FERMT3: variants seen among roughly 807,000 people sequenced by gnomAD.
FERMT3 encodes FERM domain containing kindlin 3, also known as fermitin family homolog 3.
A neutral mutation model predicts 80.8 loss-of-function variants in FERMT3; 33 were observed. The ratio of observed to expected loss-of-function variants is 0.41; its 90% CI spans 0.31 to 0.55. The LOEUF is 0.55. FERMT3 is among the 20% of genes least tolerant of loss of function. The pLI is 0.31. For synonymous variants in FERMT3, 375 were observed against 372.2 expected (o/e 1.01, Z -0.09); for missense variants, 754 against 908.7 (o/e 0.83, Z 2.19).
At chr11:64,220,184 T>C in intron 10 of FERMT3, 36 bp from the exon 11 acceptor site, 1 of 1,605,612 alleles carries the variant, frequency 6.2e-7, no homozygotes, top group Non-Finnish European at 8.5e-7. Context: ...GCTCTTCCCC[T>C]CCCGACCTCC....
chr11:64,222,551 G>A (rs1396236719), intron 13 of FERMT3, among the ~76,000 whole-genome samples: 2 of 131,352 alleles, frequency 1.5e-5, no homozygotes, highest in Admixed American at 8.4e-5. Flanking sequence ...GCAACAAAGC[G>A]ACACTCCGTC....
chr11:64,218,479 A>G (rs1219065721), intron 6 of FERMT3, among the ~76,000 whole-genome samples: 1 of 150,968 alleles, frequency 6.6e-6, no homozygotes, highest in Non-Finnish European at 1.5e-5. Flanking sequence ...AATTTTTTGT[A>G]TTTTTAGTAG....
chr11:64,223,217 G>C, intron 14 of FERMT3, 28 bp downstream of exon 14: 2 of 1,613,464 alleles, frequency 1.2e-6, no homozygotes, highest in Non-Finnish European at 1.7e-6. Flanking sequence ...GTATATGGAT[G>C]GGGGACAGGT....
chr11:64,218,015 T>C (rs1946588004), intron 6 of FERMT3, among the ~76,000 whole-genome samples: 1 of 147,706 alleles, frequency 6.8e-6, no homozygotes, highest in South Asian at 2.2e-4. Context: ...TTTTTTTTTT[T>C]TTTTTTGTGA....
chr11:64,221,096 C>T lies in FERMT3; in HGVS notation c.1626C>T (p.Ala542=), dbSNP rs759370097. 6.2e-7 allele frequency: 1 copy of T among 1,611,820 alleles called. No homozygotes were observed. Among genetic ancestry groups the T allele is most frequent in the Non-Finnish European group, 8.5e-7 (1 of 1,180,012 alleles). ...AGGCCCAGCTGCGCTTCATCCAGGC[C>T]TGGCAGTCCCTGCCCGACTTCGGCA... ...LAEAQLRFIQ[A]WQSLPDFGIS... is the part of the protein sequence containing the mutation. The change falls in exon 13 of 15, where the codon GCC becomes GCT. Residue 542 remains alanine, a synonymous_variant. Transcript: ENST00000345728.
Position 64,219,643 on chromosome 11 carries a change from G to A in FERMT3, c.1014G>A (p.Ala338=), listed in dbSNP as rs774290819. 98 of 1,613,234 alleles carry A rather than the reference G, an allele frequency of 6.1e-5. No individual in the cohort carries two copies. The highest frequency in any genetic ancestry group is 8.9e-5 in the East Asian group (4 of 44,864). Residue 338 remains alanine, a synonymous_variant, in exon 8 of 15, where the codon GCG becomes GCA. Coordinates refer to ENST00000345728, the MANE Select transcript of FERMT3 (RefSeq NM_031471.6). This position sits in a 1 kb window ranked among gnomAD's most constrained non-coding sequence, Gnocchi z 4.0. ...SNLEVKLEGS[A]PTDVLDSLTT... ...TGGAGGTGAAGCTGGAGGGGTCGGC[G>A]CCCACAGATGTGCTGGTGAGGAGGG...
chr11:64,223,555 C>T lies in FERMT3; in HGVS notation c.*63C>T. Reference sequence around the variant, plus strand: ...TCACAGCCACTCCCAAGCCCACACCCACAGGGGCTCACTGCCCCACACCCG... The same window carrying T: ...TCACAGCCACTCCCAAGCCCACACCTACAGGGGCTCACTGCCCCACACCCG... On this transcript the variant is annotated 3_prime_UTR_variant, in exon 15 of 15. Transcript: ENST00000345728. 6.5e-7 allele frequency: 1 copy of T among 1,530,590 alleles called. No individual in the cohort carries two copies. The highest frequency in any genetic ancestry group is 8.8e-7 in the Non-Finnish European group (1 of 1,134,714). 94.8% of individuals were successfully genotyped at this position (1,530,590 alleles called of 1,614,324 possible).
intron 2 of FERMT3, among the ~76,000 whole-genome samples, chr11:64,208,094 C>A (rs1246790870): frequency 1.3e-5 from 2 of 151,420 alleles, no homozygotes; most frequent in African/African-American, 4.9e-5. Context: ...TAGGCAGAGC[C>A]GGAAGACAGG....
In FERMT3 at chr11:64,207,340, ACTCT is replaced by A; in HGVS notation, c.-14-8_-14-5del. On this transcript the variant is annotated splice_polypyrimidine_tract_variant and splice_region_variant and intron_variant, in intron 1 of 14. Transcript: ENST00000345728. ...GCCTGCCCACCTTGCCTCCTTCCAC[ACTCT>A]CTGTAGCAGCAGCCGCAGCCATGGC... 1 of 1,613,196 alleles carries A rather than the reference ACTCT, an allele frequency of 6.2e-7. No individual in the cohort carries two copies. Among genetic ancestry groups the A allele is most frequent in the Non-Finnish European group, 8.5e-7 (1 of 1,179,742 alleles).
chr11:64,209,098 G>A (rs1178796780), intron 2 of FERMT3, among the ~76,000 whole-genome samples: 2 of 152,118 alleles, frequency 1.3e-5, no homozygotes, highest in South Asian at 2.1e-4. Flanking sequence ...AAGGGAGGAT[G>A]CCTGGGCCTT....
At position 64,211,125 on chromosome 11, in the gene FERMT3, G is replaced by A. The variant is rs1393712616; in HGVS notation, c.468G>A (p.Glu156=). The change falls in exon 4 of 15, where the codon GAG becomes GAA. Residue 156 remains glutamate, a synonymous_variant. Coordinates refer to ENST00000345728, the MANE Select transcript of FERMT3 (RefSeq NM_031471.6). This position sits in a 1 kb window ranked among gnomAD's most constrained non-coding sequence, Gnocchi z 4.7. The part of the protein sequence containing the change: ...EKKEKKKKEK[E]PEEELYDLSK... ...AGGAGAAGAAGAAGAAAGAGAAGGA[G>A]CCAGAGGAAGAGCTCTATGACTTGA... The A allele has an allele frequency of 2.0e-6, 3 of 1,519,234 alleles. No individual in the cohort carries two copies. The highest frequency in any genetic ancestry group is 4.0e-5 in the Admixed American group (2 of 50,368). The allele number at this position is 1,519,234 out of a possible 1,614,324, so 94.1% of individuals were successfully genotyped here. A position where few individuals can be genotyped will look rare whatever the true frequency, so the allele number is the denominator to read the frequency against.
chr11:64,223,042 G>A lies in FERMT3; in HGVS notation c.1671-6G>A. ...CCCTGGCTCACTCTCTCTCCCTGGG[G>A]GCCAGGTTCAAGGGCAGCAGGAAAG... On this transcript the variant is annotated splice_region_variant and splice_polypyrimidine_tract_variant and intron_variant, in intron 13 of 14. Coordinates refer to ENST00000345728, the MANE Select transcript of FERMT3 (RefSeq NM_031471.6). 1 of 1,613,418 alleles carries A rather than the reference G, an allele frequency of 6.2e-7. No individual in the cohort carries two copies.
At chr11:64,214,322 C>T (rs898616821) in intron 6 of FERMT3, among the ~76,000 whole-genome samples, 1 of 152,040 alleles carries the variant, frequency 6.6e-6, no homozygotes, top group Non-Finnish European at 1.5e-5. Flanking sequence ...CACGCGCCAC[C>T]ATGCCCAGCT....
intron 2 of FERMT3, among the ~76,000 whole-genome samples, chr11:64,208,388 C>T (rs1018175368): frequency 6.6e-6 from 1 of 152,178 alleles, no homozygotes; most frequent in African/African-American, 2.4e-5. Flanking sequence ...ATGAGGGTAA[C>T]GCAGGAGGCC....
chr11:64,221,233 G>C, intron 13 of FERMT3, 93 bp downstream of exon 13: 5 of 1,344,706 alleles, frequency 3.7e-6, no homozygotes, highest in Non-Finnish European at 5.2e-6. Context: ...AGTAGGTTCT[G>C]GACAGGCACC....
intron 6 of FERMT3, among the ~76,000 whole-genome samples, chr11:64,216,718 C>T (rs1946559508): frequency 6.7e-6 from 1 of 149,142 alleles, no homozygotes; most frequent in Middle Eastern, 3.2e-3. Flanking sequence ...ATGGCGTGAA[C>T]CTGGGAGGCG....
In FERMT3 at chr11:64,223,417, G is replaced by A. The variant is rs150686744; in HGVS notation, c.1917G>A (p.Thr639=). 6,914 of 1,613,544 alleles carry A rather than the reference G, an allele frequency of 4.3e-3. 30 individuals are homozygous for A. The highest frequency in any genetic ancestry group is 4.4e-3 in the Non-Finnish European group (5,241 of 1,180,028). ...TCGGGGGCTACATTTTCCTGTCGAC[G>A]CGGGAGCGGGCCCGTGGGGAGGAGC... ...EYIGGYIFLS[T]RERARGEELD... Residue 639 remains threonine (T), a synonymous_variant, in exon 15 of 15, where the codon ACG becomes ACA. Transcript: ENST00000345728.
Position 64,223,878 on chromosome 11 carries a change from A to G in FERMT3, c.*386A>G. ...TTTCTTTTTTATAAATTAATATTTT[A>G]TTGTTGGATCCTCCTCCTTTCTCTG... On this transcript the variant is annotated 3_prime_UTR_variant, in exon 15 of 15. Transcript: ENST00000345728. The G allele has an allele frequency of 1.3e-6, 2 of 1,579,674 alleles. No individual in the cohort carries two copies. The highest frequency in any genetic ancestry group is 2.3e-5 in the South Asian group (2 of 85,214).
chr11:64,211,286 G>A lies in FERMT3; in HGVS notation c.526G>A (p.Ala176Thr). 1 of 1,613,410 alleles carries A rather than the reference G, an allele frequency of 6.2e-7. No individual in the cohort carries two copies. The highest frequency in any genetic ancestry group is 8.5e-7 in the Non-Finnish European group (1 of 1,179,866). Residue 176 changes from alanine (A) to threonine (T), a missense_variant, in exon 5 of 15, where the codon GCA (alanine) becomes ACA (threonine). By Grantham distance (58) the Ala-to-Thr change is moderately conservative (BLOSUM62 0). Transcript: ENST00000345728. This position sits in a 1 kb window ranked among gnomAD's most constrained non-coding sequence, Gnocchi z 4.7. ...AACCTGCACTCCAGGCGTGGCACCT[G>A]CACTGTTCCGGGGGATGCCAGCTCA... Reference protein sequence around the residue: ...KVVLAGGVAPALFRGMPAHFS... With the variant: ...KVVLAGGVAPTLFRGMPAHFS...
Sources: allele counts gnomAD v4.1 joint callset (sites outside exome capture counted in the v4.1 genomes callset), GRCh38; gene constraint gnomAD v4.1.1; non-coding constraint Gnocchi (gnomAD v3.1); transcripts MANE v1.5; gene names NCBI Gene and HGNC (gene_info 2026-07-23, HGNC 2026-07-21).